The following ZNF827 variants were observed in gnomAD, a reference collection of about 807,000 sequenced individuals.
ZNF827 encodes the protein zinc finger protein 827.
ZNF827 carries 13 observed loss-of-function variants against 102.4 expected under a neutral mutation model. The observed-to-expected ratio is 0.13, with a 90% CI of 0.08 to 0.20. The LOEUF (loss-of-function observed/expected upper bound fraction) is 0.20, where lower values mean the gene tolerates loss of function less well. Among genes scored for constraint, ZNF827 ranks in the 10% least tolerant of loss-of-function variants. The pLI is 1.00. For missense variants in ZNF827, 1,103 were observed against 1,344.4 expected, an observed-to-expected ratio of 0.82 and a Z score of 2.81; for synonymous variants, 523 against 536.2, an observed-to-expected ratio of 0.98 and a Z score of 0.34.
rs535667292 is a variant in ZNF827, at chr4:145,774,133, T to C, written c.2860+373A>G. On this transcript the variant is annotated intron_variant, in intron 11 of 14. Transcript: ENST00000508784. Reference sequence around the variant, plus strand: ...CCTGTACTGTACAGTGTGATAATAATAGTATTCACTTAGAGGGTTGCTATG... The same window carrying C: ...CCTGTACTGTACAGTGTGATAATAACAGTATTCACTTAGAGGGTTGCTATG... Among the ~76,000 whole-genome samples the C allele has an allele frequency of 4.6e-5, 7 of 152,254 alleles. No homozygotes were observed. The East Asian group carries it at 7.7e-4, about 17-fold the overall frequency.
intron 1 of ZNF827, among the ~76,000 whole-genome samples, chr4:145,924,370 T>C (rs1300906761): frequency 6.6e-6 from 1 of 152,228 alleles, no homozygotes; most frequent in Non-Finnish European, 1.5e-5. Flanking sequence ...ATGCTTTTCA[T>C]TATATATGTA....
intron 4 of ZNF827, chr4:145,870,693 AC>A (rs1344560084): frequency 1.8e-5 from 9 of 489,574 alleles, no homozygotes; most frequent in Middle Eastern, 5.4e-4. Flanking sequence ...AATCTTTTGA[AC>A]CTAAAATATT....
At chr4:145,877,528 A>C (rs1749248045) in intron 4 of ZNF827, among the ~76,000 whole-genome samples, 1 of 152,162 alleles carries the variant, frequency 6.6e-6, no homozygotes, top group Non-Finnish European at 1.5e-5. Flanking sequence ...TCATTTTATA[A>C]TTAGTGTTTA....
chr4:145,930,676 C>A (rs1753733361), intron 1 of ZNF827, among the ~76,000 whole-genome samples: 1 of 152,138 alleles, frequency 6.6e-6, no homozygotes, highest in Non-Finnish European at 1.5e-5. Flanking sequence ...CAGTCGGAAA[C>A]AATATCCTTT....
intron 1 of ZNF827, among the ~76,000 whole-genome samples, chr4:145,925,495 G>A (rs1054416403): frequency 1.3e-5 from 2 of 152,038 alleles, no homozygotes; most frequent in South Asian, 2.1e-4. Flanking sequence ...TGATTATTTC[G>A]TGTCAACATT....
Position 145,823,545 on chromosome 4 carries a change from G to A in ZNF827, c.2280-20C>T, listed in dbSNP as rs1743368298. ...AAAGGGCTGGGGTGGGGGAGGGGGA[G>A]TGAAGTTTAGTAAATTAAAGTTATT... On this transcript the variant is annotated intron_variant, in intron 7 of 14. Transcript: ENST00000508784. The A allele has an allele frequency of 6.5e-7, 1 of 1,545,118 alleles. No individual in the cohort carries two copies.
intron 5 of ZNF827, among the ~76,000 whole-genome samples, chr4:145,858,065 A>G (rs985533596): frequency 2.0e-5 from 3 of 152,046 alleles, no homozygotes; most frequent in Non-Finnish European, 4.4e-5. Flanking sequence ...GTCCATCCTT[A>G]TATGTTGTGA....
intron 8 of ZNF827, among the ~76,000 whole-genome samples, chr4:145,790,452 T>G (rs111304488): frequency 5.9e-4 from 90 of 152,332 alleles, no homozygotes; most frequent in African/African-American, 2.0e-3. Flanking sequence ...TCTAAAATAC[T>G]AAAATTTTAA....
intron 4 of ZNF827, among the ~76,000 whole-genome samples, chr4:145,877,163 G>T (rs772336355): frequency 6.6e-6 from 1 of 152,100 alleles, no homozygotes; most frequent in Non-Finnish European, 1.5e-5. Flanking sequence ...GAACACATAG[G>T]CTCAGAGGAT....
intron 1 of ZNF827, among the ~76,000 whole-genome samples, chr4:145,929,864 C>A (rs1178290993): frequency 1.3e-5 from 2 of 152,170 alleles, no homozygotes; most frequent in Non-Finnish European, 2.9e-5. Context: ...CTTCTAATAG[C>A]TCTGTGATAC....
intron 7 of ZNF827, chr4:145,830,949 A>G (rs1296376144): frequency 1.3e-5 from 2 of 152,206 alleles, no homozygotes; most frequent in Non-Finnish European, 2.9e-5. Context: ...ATGTGCCCAG[A>G]TATTAACATG....
chr4:145,766,707 A>G (rs371282274), intron 11 of ZNF827, among the ~76,000 whole-genome samples: 1 of 152,214 alleles, frequency 6.6e-6, no homozygotes, highest in African/African-American at 2.4e-5. Context: ...GACTACCCAT[A>G]GTTGGAGGGG....
intron 7 of ZNF827, chr4:145,832,572 G>C (rs2126553098): frequency 6.6e-6 from 1 of 152,230 alleles, no homozygotes; most frequent in Non-Finnish European, 1.5e-5. Flanking sequence ...TTGACAATTG[G>C]TACCAATAGC....
intron 5 of ZNF827, among the ~76,000 whole-genome samples, chr4:145,862,500 T>A (rs1747823115): frequency 6.6e-6 from 1 of 152,210 alleles, no homozygotes. Flanking sequence ...TTATTTATAT[T>A]TCATTGTCCC....
chr4:145,788,848 A>G (rs1283074488), intron 8 of ZNF827, among the ~76,000 whole-genome samples: 1 of 152,232 alleles, frequency 6.6e-6, no homozygotes, highest in Non-Finnish European at 1.5e-5. Flanking sequence ...ATCAGGCCTG[A>G]AAATCATGTC....
At chr4:145,811,985 G>T (rs1038037515) in intron 8 of ZNF827, among the ~76,000 whole-genome samples, 5 of 151,978 alleles carry the variant, frequency 3.3e-5, no homozygotes, top group Non-Finnish European at 2.9e-5. Context: ...CACAGTCTGA[G>T]CTCACTGCAA....
At position 145,760,843 on chromosome 4, in the gene ZNF827, A is replaced by G; in HGVS notation, c.*773T>C. 1 of 1,202,514 alleles carries G rather than the reference A, an allele frequency of 8.3e-7. No individual in the cohort carries two copies. Among genetic ancestry groups the G allele is most frequent in the Non-Finnish European group, 1.1e-6 (1 of 948,750 alleles). 74.5% of individuals were successfully genotyped at this position (1,202,514 alleles called of 1,614,324 possible). A position where few individuals can be genotyped will look rare whatever the true frequency, so the allele number is the denominator to read the frequency against. Reference sequence around the variant, plus strand: ...CAGGAAGGAGTGTTTGGGTGAGGGGATGCTGGGAGGCGCAGTCTGAGGTCG... The same window carrying G: ...CAGGAAGGAGTGTTTGGGTGAGGGGGTGCTGGGAGGCGCAGTCTGAGGTCG... On this transcript the variant is annotated 3_prime_UTR_variant, in exon 15 of 15. Transcript: ENST00000508784.
At chr4:145,837,741 C>A (rs1390336555) in intron 7 of ZNF827, among the ~76,000 whole-genome samples, 1 of 152,144 alleles carries the variant, frequency 6.6e-6, no homozygotes, top group East Asian at 1.9e-4. Flanking sequence ...ATTCTTAGAC[C>A]TTTTATACCT....
At position 145,823,479 on chromosome 4, in the gene ZNF827, T is replaced by C; in HGVS notation, c.2326A>G (p.Asn776Asp). 6.2e-7 allele frequency: 1 copy of C among 1,606,682 alleles called. No homozygotes were observed. Residue 776 changes from asparagine to aspartate, a missense_variant, in exon 8 of 15, where the codon AAT (asparagine) becomes GAT (aspartate). Around this residue, in one of 5 missense-constraint regions of ZNF827, gnomAD observed 243 missense variants for 251.6 expected, o/e 0.97. Coordinates refer to ENST00000508784, the MANE Select transcript of ZNF827 (RefSeq NM_001306215.2). ...TCACTGGGCAGCAGTTCTTTTGAAT[T>C]GGAGGTGAATGGTGATTGTCTAAAT... ...DTFRQSPFTS[N>D]SKELLPSDSV...
Sources: allele counts gnomAD v4.1 joint callset (sites outside exome capture counted in the v4.1 genomes callset), GRCh38; gene constraint gnomAD v4.1.1; regional missense constraint gnomAD v4.1.1; transcripts MANE v1.5; gene names NCBI Gene and HGNC (gene_info 2026-07-23, HGNC 2026-07-21).